Variants in ETNK1 observed in about 807,000 individuals in gnomAD.
The protein encoded by ETNK1 is ethanolamine kinase 1.
A neutral mutation model predicts 45.1 loss-of-function variants in ETNK1; 8 were observed. That is an observed-to-expected ratio of 0.18 (90% CI 0.10 to 0.32). The LOEUF (loss-of-function observed/expected upper bound fraction) is 0.32, where lower values mean the gene tolerates loss of function less well. Ranked by LOEUF, ETNK1 falls within the 10% of genes least tolerant of loss-of-function variation. The pLI is 1.00. For synonymous variants in ETNK1, 152 were observed against 151.9 expected (o/e 1.00, Z -0.01); for missense variants, 302 against 430.6 (o/e 0.70, Z 2.64).
chr12:22,675,176 C>A lies in ETNK1; in HGVS notation c.945+1516C>A, dbSNP rs75608934. Among the ~76,000 whole-genome samples the A allele has an allele frequency of 5.5e-3, 843 of 152,228 alleles. 2 individuals carry two copies. The highest frequency in any genetic ancestry group is 9.3e-3 in the Non-Finnish European group (633 of 68,020). ...CTCAACCTCCCGGGCTTAAGCAGTC[C>A]TCCCACTTGAGCCTTCTGAGTAGCA... On this transcript the variant is annotated intron_variant, in intron 6 of 7. Transcript: ENST00000266517.
intron 7 of ETNK1, among the ~76,000 whole-genome samples, 156 bp downstream of exon 7, chr12:22,684,712 G>A (rs887756941): frequency 6.6e-6 from 1 of 152,048 alleles, no homozygotes; most frequent in Non-Finnish European, 1.5e-5. Flanking sequence ...AAGCTGTTAA[G>A]TGCTCGCAGG....
chr12:22,679,358 C>G (rs1007400451), intron 6 of ETNK1, among the ~76,000 whole-genome samples: 1 of 152,182 alleles, frequency 6.6e-6, no homozygotes, highest in Non-Finnish European at 1.5e-5. Context: ...AAGAAGGAAG[C>G]CAGAAAACCC....
rs563582282 is a variant in ETNK1 at position 22,635,967 on chromosome 12, C to T, written c.157-7796C>T. Among the ~76,000 whole-genome samples the T allele has an allele frequency of 2.4e-3, 361 of 152,080 alleles. 1 individual carries two copies. Among genetic ancestry groups the T allele is most frequent in the Middle Eastern group, 6.8e-3 (2 of 294 alleles). On this transcript the variant is annotated intron_variant, in intron 1 of 7. Coordinates refer to ENST00000266517, the MANE Select transcript of ETNK1 (RefSeq NM_018638.5). ...CTGAGGTGGGCAGACTGTTTGATTC[C>T]AGGAATTCAAGATTAGTCTGGCCAA...
chr12:22,629,488 C>T (rs1565860665), intron 1 of ETNK1, among the ~76,000 whole-genome samples: 1 of 152,078 alleles, frequency 6.6e-6, no homozygotes, highest in African/African-American at 2.4e-5. Flanking sequence ...AGGTAGTTAC[C>T]TAAATAATCT....
chr12:22,675,709 T>C (rs1227259301), intron 6 of ETNK1, among the ~76,000 whole-genome samples: 1 of 152,062 alleles, frequency 6.6e-6, no homozygotes, highest in Non-Finnish European at 1.5e-5. Flanking sequence ...AGAAGGAAAC[T>C]TACTTACTCT....
chr12:22,653,129 A>G (rs1036935082), intron 2 of ETNK1, among the ~76,000 whole-genome samples: 6 of 151,760 alleles, frequency 4.0e-5, no homozygotes, highest in Admixed American at 6.6e-5. Flanking sequence ...TCCTTTCCTC[A>G]TTTAAGGTTC....
rs555602183 is a variant in ETNK1 at position 22,643,753 on chromosome 12, T to A, written c.157-10T>A. 1.2e-5 allele frequency: 19 copies of A among 1,562,060 alleles called. No individual in the cohort carries two copies. In the East Asian group the frequency reaches 1.4e-4, roughly 11 times the overall value. On this transcript the variant is annotated splice_polypyrimidine_tract_variant and intron_variant, in intron 1 of 7. Transcript: ENST00000266517. ...CTTTTTTTCCCATTTTTAAAAAAAA[T>A]TTTTGGCAGCTCTTCACAGATGGAA...
At position 22,671,339 on chromosome 12, in the gene ETNK1, T is replaced by C; in HGVS notation, c.768T>C (p.His256=). The change falls in exon 5 of 8, where the codon CAT becomes CAC. Residue 256 remains histidine (H), a synonymous_variant. Coordinates refer to ENST00000266517, the MANE Select transcript of ETNK1 (RefSeq NM_018638.5). ...ACCTGGCATATGATATTGGAAATCA[T>C]TTCAATGAATTTGCAGGTATAACTA... ...YNYLAYDIGN[H]FNEFAGVSDV... 1 of 1,600,036 alleles carries C rather than the reference T, an allele frequency of 6.2e-7. No individual in the cohort carries two copies.
At chr12:22,630,828 C>T (rs1468445011) in intron 1 of ETNK1, among the ~76,000 whole-genome samples, 1 of 151,966 alleles carries the variant, frequency 6.6e-6, no homozygotes, top group African/African-American at 2.4e-5. Context: ...CCAGGCTGGT[C>T]TCGAATGCCT....
chr12:22,666,745 G>A (rs936662438), intron 4 of ETNK1, among the ~76,000 whole-genome samples: 11 of 152,160 alleles, frequency 7.2e-5, no homozygotes, highest in Non-Finnish European at 1.5e-5. Context: ...GAAAAGGAAA[G>A]CTTTTTCTGG....
In ETNK1 at chr12:22,658,946, T is replaced by C. The variant is rs1025853040; in HGVS notation, c.417-68T>C. On this transcript the variant is annotated intron_variant, in intron 2 of 7. Transcript: ENST00000266517. Reference sequence around the variant, plus strand: ...AGACTGACTAAAGTTTCATCAAGAATCTTTGTCAGGAGACATGACCTTTAT... The same window carrying C: ...AGACTGACTAAAGTTTCATCAAGAACCTTTGTCAGGAGACATGACCTTTAT... 2.0e-6 allele frequency: 3 copies of C among 1,489,862 alleles called. No individual in the cohort carries two copies. In the African/African-American group the frequency reaches 4.2e-5, roughly 21 times the overall value. 92.3% of individuals were successfully genotyped at this position (1,489,862 alleles called of 1,614,324 possible).
intron 7 of ETNK1, 33 bp from the exon 8 acceptor site, chr12:22,684,849 A>G (rs1356044268): frequency 1.3e-6 from 2 of 1,550,000 alleles, no homozygotes; most frequent in East Asian, 4.5e-5. Context: ...TTCAGCTTTG[A>G]CTAATTTTTT....
intron 1 of ETNK1, among the ~76,000 whole-genome samples, chr12:22,633,173 C>T (rs1391994251): frequency 6.6e-6 from 1 of 151,984 alleles, no homozygotes; most frequent in Non-Finnish European, 1.5e-5. Flanking sequence ...AGTGATTGTC[C>T]CGGTTTATAT....
intron 4 of ETNK1, among the ~76,000 whole-genome samples, chr12:22,662,894 T>G (rs1297166717): frequency 6.6e-6 from 1 of 152,214 alleles, no homozygotes; most frequent in Non-Finnish European, 1.5e-5. Context: ...TAGCTGACTT[T>G]CACTTTAAGA....
intron 4 of ETNK1, among the ~76,000 whole-genome samples, chr12:22,662,629 C>T (rs1214334981): frequency 6.6e-6 from 1 of 151,964 alleles, no homozygotes; most frequent in Non-Finnish European, 1.5e-5. Flanking sequence ...AATTTGTGGC[C>T]TCAAGTGATC....
At chr12:22,663,358 C>G (rs1403677309) in intron 4 of ETNK1, among the ~76,000 whole-genome samples, 1 of 152,086 alleles carries the variant, frequency 6.6e-6, no homozygotes, top group African/African-American at 2.4e-5. Context: ...TTTTTAACTG[C>G]AAGTTGATCA....
At chr12:22,675,169 A>C (rs762923934) in intron 6 of ETNK1, among the ~76,000 whole-genome samples, 9 of 152,132 alleles carry the variant, frequency 5.9e-5, no homozygotes, top group Non-Finnish European at 1.0e-4. Flanking sequence ...CCCGGGCTTA[A>C]GCAGTCCTCC....
chr12:22,671,804 A>T (rs914669923), intron 5 of ETNK1, among the ~76,000 whole-genome samples: 2 of 148,226 alleles, frequency 1.3e-5, no homozygotes, highest in African/African-American at 5.0e-5. Flanking sequence ...GCGCTACTGC[A>T]CTCCAGCCTG....
At chr12:22,662,229 G>A (rs995879386) in intron 4 of ETNK1, among the ~76,000 whole-genome samples, 3 of 149,016 alleles carry the variant, frequency 2.0e-5, no homozygotes, top group Non-Finnish European at 4.5e-5. Flanking sequence ...CACCATGCCC[G>A]GCTAATTTTT....
Sources: gnomAD v4.1 joint callset for allele counts (sites outside exome capture counted in the v4.1 genomes callset) on GRCh38, gnomAD v4.1.1 for gene constraint, MANE v1.5 for transcripts, NCBI Gene and HGNC (gene_info 2026-07-23, HGNC 2026-07-21) for gene names.